The following GNB2 variants were observed in gnomAD, a reference collection of about 807,000 sequenced individuals.
GNB2 encodes the protein G protein subunit beta 2.
A neutral mutation model predicts 40.7 loss-of-function variants in GNB2; 7 were observed. The ratio of observed to expected loss-of-function variants is 0.17; its 90% CI spans 0.10 to 0.32. The LOEUF is 0.32. GNB2 is among the 10% of genes least tolerant of loss of function. The probability of loss-of-function intolerance (pLI) is 1.00; values close to 1 mark genes in which losing one functional copy is unlikely to be tolerated. For synonymous variants in GNB2, 254 were observed against 191.2 expected (o/e 1.33, Z -2.71); for missense variants, 286 against 473.0 (o/e 0.60, Z 3.67).
chr7:100,678,686 T>C lies in GNB2; in HGVS notation c.917-9T>C, dbSNP rs760186147. ...GCCCAATGGGTTCTGACTTCTCTCT[T>C]CTTCACAGGAGTCCTCGCTGGCCAC... On this transcript the variant is annotated splice_polypyrimidine_tract_variant and intron_variant, in intron 9 of 9. Transcript: ENST00000303210. 8.1e-6 allele frequency: 13 copies of C among 1,611,520 alleles called. 1 individual carries two copies. In the Admixed American group the frequency reaches 8.3e-5, roughly 10 times the overall value.
chr7:100,674,626 C>T (rs867139185), intron 1 of GNB2, among the ~76,000 whole-genome samples: 1 of 152,190 alleles, frequency 6.6e-6, no homozygotes, highest in Admixed American at 6.5e-5. Flanking sequence ...GATCCAGGGA[C>T]CCTCCCGTCA....
At position 100,679,060 on chromosome 7, in the gene GNB2, C is replaced by A; in HGVS notation, c.*259C>A. 1 of 447,860 alleles carries A rather than the reference C, an allele frequency of 2.2e-6. No individual in the cohort carries two copies. Among genetic ancestry groups the A allele is most frequent in the South Asian group, 5.4e-5 (1 of 18,460 alleles). 27.7% of individuals were successfully genotyped at this position (447,860 alleles called of 1,614,324 possible). A position where few individuals can be genotyped will look rare whatever the true frequency, so the allele number is the denominator to read the frequency against. On this transcript the variant is annotated 3_prime_UTR_variant, in exon 10 of 10. Coordinates refer to ENST00000303210, the MANE Select transcript of GNB2 (RefSeq NM_005273.4). ...GTTGGGGCCTCACCCCTCTGGAGGG[C>A]CGGAGGCAGGAGGTGGAAACCCCAG...
rs1057504396 is a variant in GNB2 at position 100,676,209 on chromosome 7, C to A, written c.-57C>A. 9 of 1,085,946 alleles carry A rather than the reference C, an allele frequency of 8.3e-6. No homozygotes were observed. In the African/African-American group the frequency reaches 1.4e-4, roughly 17 times the overall value. The allele number at this position is 1,085,946 out of a possible 1,614,324, so 67.3% of individuals were successfully genotyped here. On this transcript the variant is annotated 5_prime_UTR_variant, in exon 2 of 10. Coordinates refer to ENST00000303210, the MANE Select transcript of GNB2 (RefSeq NM_005273.4). The stretch of plus-strand genomic sequence containing the variant: ...GCCAGCGGCCAGGAGCTGCCTCCCC[C>A]AGCCCCCGTCCCGCGGCCCCCAGCC...
At chr7:100,676,099 C>A in intron 1 of GNB2, 78 bp from the exon 2 acceptor site, 1 of 542,354 alleles carries the variant, frequency 1.8e-6, no homozygotes, top group Non-Finnish European at 3.2e-6. Flanking sequence ...CTTACCCCTT[C>A]CGGGCCGCGC....
At chr7:100,676,839 T>C in intron 4 of GNB2, 40 bp downstream of exon 4, 3 of 1,201,854 alleles carry the variant, frequency 2.5e-6, no homozygotes, top group South Asian at 1.3e-5. Context: ...GGGCCGACTT[T>C]CTAGCAGGCC....
chr7:100,677,698 T>A, intron 6 of GNB2, 38 bp downstream of exon 6: 1 of 1,612,848 alleles, frequency 6.2e-7, no homozygotes, highest in East Asian at 2.2e-5. Flanking sequence ...TTTTTGGGGT[T>A]GGGGGGTGCA....
At chr7:100,676,479 C>T in intron 2 of GNB2, 56 bp from the exon 3 acceptor site, 3 of 1,487,712 alleles carry the variant, frequency 2.0e-6, no homozygotes, top group South Asian at 1.1e-5. Flanking sequence ...TCTTCTCTCC[C>T]TTTCCTCCCC....
rs373871017 is a variant in GNB2, at chr7:100,678,182, C to T, written c.582C>T (p.Pro194=). The change falls in exon 8 of 10, where the codon CCC becomes CCT. Residue 194 remains proline, a synonymous_variant. Coordinates refer to ENST00000303210, the MANE Select transcript of GNB2 (RefSeq NM_005273.4). ...SGDVMSLSLA[P]DGRTFVSGAC... Reference sequence around the variant, plus strand: ...ATGTGATGTCCCTGTCCCTGGCCCCCGATGGCCGCACGTTTGTGTCAGGCG... The same window carrying T: ...ATGTGATGTCCCTGTCCCTGGCCCCTGATGGCCGCACGTTTGTGTCAGGCG... The T allele has an allele frequency of 2.5e-5, 41 of 1,613,806 alleles. No homozygotes were observed. Among genetic ancestry groups the T allele is most frequent in the East Asian group, 2.4e-4 (11 of 44,898 alleles).
At chr7:100,677,017 C>T (rs931805484) in intron 4 of GNB2, 18 of 595,386 alleles carry the variant, frequency 3.0e-5, no homozygotes, top group Non-Finnish European at 5.1e-5. Flanking sequence ...TGGCTCACGC[C>T]TGTAATCCCA....
At chr7:100,676,488 C>T (rs1269673001) in intron 2 of GNB2, 47 bp from the exon 3 acceptor site, 1 of 1,541,668 alleles carries the variant, frequency 6.5e-7, no homozygotes, top group East Asian at 2.2e-5. Context: ...CCTTTCCTCC[C>T]CAACCTGTCT....
Position 100,678,382 on chromosome 7 carries a change from G to A in GNB2, c.700-16G>A. 1 of 1,610,282 alleles carries A rather than the reference G, an allele frequency of 6.2e-7. No individual in the cohort carries two copies. Among genetic ancestry groups the A allele is most frequent in the Non-Finnish European group, 8.5e-7 (1 of 1,177,580 alleles). On this transcript the variant is annotated splice_polypyrimidine_tract_variant and intron_variant, in intron 8 of 9. Coordinates refer to ENST00000303210, the MANE Select transcript of GNB2 (RefSeq NM_005273.4). ...TCACCCTCACCCTCACCCCATCTGG[G>A]TCCCGTGTCCTGCAGTTCTTCCCCA...
chr7:100,674,164 CCCCAG>C (rs887006785), intron 1 of GNB2, among the ~76,000 whole-genome samples: 11 of 152,046 alleles, frequency 7.2e-5, no homozygotes, highest in Non-Finnish European at 1.5e-4. Context: ...CGACCCCAGA[CCCCAG>C]CCCAGCCCCG....
chr7:100,676,532 C>A lies in GNB2; in HGVS notation c.58-3C>A. On this transcript the variant is annotated splice_polypyrimidine_tract_variant and splice_region_variant and intron_variant, in intron 2 of 9. Transcript: ENST00000303210. Reference sequence around the variant, plus strand: ...GTCTCTCTGGCTCTGCCATCCCTTACAGGATGCCCGAAAAGCATGTGGGGA... The same window carrying A: ...GTCTCTCTGGCTCTGCCATCCCTTAAAGGATGCCCGAAAAGCATGTGGGGA... 1 of 1,608,766 alleles carries A rather than the reference C, an allele frequency of 6.2e-7. No homozygotes were observed.
chr7:100,676,079 C>T (rs1012625139), intron 1 of GNB2, 98 bp from the exon 2 acceptor site: 7 of 508,894 alleles, frequency 1.4e-5, no homozygotes, highest in Non-Finnish European at 2.4e-5. Flanking sequence ...GCCCCTTCCC[C>T]CTCCCCTTGC....
At position 100,678,519 on chromosome 7, in the gene GNB2, CCT is replaced by C; in HGVS notation, c.824_825del (p.Ser275CysfsTer172). Reference sequence around the variant, plus strand: ...CATGACAACATCATCTGTGGCATCACCTCTGTTGCCTTCTCGCGCAGCGGACG... The same window carrying C: ...CATGACAACATCATCTGTGGCATCACCTGTTGCCTTCTCGCGCAGCGGACG... On this transcript the variant is annotated frameshift_variant, in exon 9 of 10. Transcript: ENST00000303210. LOFTEE classifies it high-confidence loss of function. 3 of 1,613,622 alleles carry C rather than the reference CCT, an allele frequency of 1.9e-6. No homozygotes were observed. Among genetic ancestry groups the C allele is most frequent in the Non-Finnish European group, 2.5e-6 (3 of 1,179,690 alleles).
rs915982539 is a variant in GNB2, at chr7:100,677,577, G to A, written c.347G>A (p.Gly116Glu). 1 of 1,613,292 alleles carries A rather than the reference G, an allele frequency of 6.2e-7. No individual in the cohort carries two copies. Among genetic ancestry groups the A allele is most frequent in the African/African-American group, 1.3e-5 (1 of 74,942 alleles). Reference sequence around the variant, plus strand: ...TCAGGGAACTTTGTGGCCTGTGGGGGGTTGGACAACATCTGCTCCATCTAC... The same window carrying A: ...TCAGGGAACTTTGTGGCCTGTGGGGAGTTGGACAACATCTGCTCCATCTAC... ...APSGNFVACGGLDNICSIYSL... is the reference protein window; with the variant it reads ...APSGNFVACGELDNICSIYSL... The change falls in exon 6 of 10, where the codon GGG becomes GAG. Residue 116 changes from glycine to glutamate, a missense_variant. Gly to Glu is a moderately conservative substitution (Grantham distance 98, BLOSUM62 -2). Coordinates refer to ENST00000303210, the MANE Select transcript of GNB2 (RefSeq NM_005273.4).
At position 100,679,021 on chromosome 7, in the gene GNB2, T is replaced by G. The variant is rs1016842410; in HGVS notation, c.*220T>G. On this transcript the variant is annotated 3_prime_UTR_variant, in exon 10 of 10. Coordinates refer to ENST00000303210, the MANE Select transcript of GNB2 (RefSeq NM_005273.4). ...AGGAGGAGCAGGAGGCCCTCATCCT[T>G]CTGCTGCCCTGGGGTTGGGGCCTCA... 2 of 546,888 alleles carry G rather than the reference T, an allele frequency of 3.7e-6. No individual in the cohort carries two copies. Among genetic ancestry groups the G allele is most frequent in the South Asian group, 2.6e-5 (1 of 38,858 alleles). 33.9% of individuals were successfully genotyped at this position (546,888 alleles called of 1,614,324 possible).
Position 100,678,234 on chromosome 7 carries a change from G to C in GNB2, c.634G>C (p.Asp212His), listed in dbSNP as rs781496683. The part of the protein sequence containing the change: ...GACDASIKLW[D>H]VRDSMCRQTF... ...CTGTGATGCCTCTATCAAGCTGTGG[G>C]ACGTGCGGGATTCCATGTGCCGACA... The change falls in exon 8 of 10, where the codon GAC becomes CAC. Residue 212 changes from aspartate to histidine, a missense_variant. Physicochemically the swap from Asp to His is moderately conservative, Grantham distance 81. Transcript: ENST00000303210. 1 of 1,613,926 alleles carries C rather than the reference G, an allele frequency of 6.2e-7. No individual in the cohort carries two copies. Among genetic ancestry groups the C allele is most frequent in the African/African-American group, 1.3e-5 (1 of 74,934 alleles).
rs1424545035 is a variant in GNB2, at chr7:100,676,297, C to T, written c.32C>T (p.Ala11Val). ...GAGCTGGAGCAACTGAGACAGGAGGCCGAGCAGCTCCGGAACCAGATCCGG... is the reference window on the plus strand; with the variant it reads ...GAGCTGGAGCAACTGAGACAGGAGGTCGAGCAGCTCCGGAACCAGATCCGG... MSELEQLRQE[A>V]EQLRNQIRDA... The change falls in exon 2 of 10, where the codon GCC becomes GTC. Residue 11 changes from alanine to valine, a missense_variant. Physicochemically the swap from Ala to Val is moderately conservative, Grantham distance 64. Coordinates refer to ENST00000303210, the MANE Select transcript of GNB2 (RefSeq NM_005273.4). 6.2e-6 allele frequency: 10 copies of T among 1,607,744 alleles called. No individual in the cohort carries two copies. Among genetic ancestry groups the T allele is most frequent in the Non-Finnish European group, 7.6e-6 (9 of 1,177,616 alleles).
Sources: gnomAD v4.1 joint callset for allele counts (sites outside exome capture counted in the v4.1 genomes callset) on GRCh38, gnomAD v4.1.1 for gene constraint, MANE v1.5 for transcripts, NCBI Gene and HGNC (gene_info 2026-07-23, HGNC 2026-07-21) for gene names.